The following NLRP14 variants were observed in gnomAD, a reference collection of about 807,000 sequenced individuals.
The protein encoded by NLRP14 is NLR family pyrin domain containing 14, also known as NACHT, LRR and PYD domains-containing protein 14.
NLRP14 carries 105 observed loss-of-function variants against 94.7 expected under a neutral mutation model. That is an observed-to-expected ratio of 1.11 (90% CI 0.95 to 1.30). NLRP14 has a LOEUF of 1.30. NLRP14 is among the 50% of genes most tolerant of loss of function. NLRP14 has a pLI of 0.00. For synonymous variants in NLRP14, 508 were observed against 459.9 expected (o/e 1.10, Z -1.34); for missense variants, 1,362 against 1,254.1 (o/e 1.09, Z -1.30).
At chr11:7,051,313 C>T (rs1293187897) in intron 6 of NLRP14, among the ~76,000 whole-genome samples, 1 of 152,136 alleles carries the variant, frequency 6.6e-6, no homozygotes, top group Non-Finnish European at 1.5e-5. Context: ...GGAGAAGGTC[C>T]AGTTTTCTGT....
the NLRP14 span, among the ~76,000 whole-genome samples, chr11:7,088,328 G>A: frequency 1.3e-5 from 2 of 152,188 alleles, no homozygotes; most frequent in African/African-American, 4.8e-5. Context: ...TAACAAAGAT[G>A]AGAAAATCTT....
chr11:7,054,608 T>C (rs1852493095), intron 6 of NLRP14, among the ~76,000 whole-genome samples: 1 of 152,188 alleles, frequency 6.6e-6, no homozygotes, highest in South Asian at 2.1e-4. Context: ...TTTTGAGAAA[T>C]ATCTATTCAG....
the NLRP14 span, chr11:7,090,114 C>G: frequency 6.2e-7 from 1 of 1,612,322 alleles, no homozygotes; most frequent in Non-Finnish European, 8.5e-7. Context: ...CAGTTATGGC[C>G]GGAGCGACCG....
intron 5 of NLRP14, among the ~76,000 whole-genome samples, chr11:7,048,554 C>T (rs761628449): frequency 6.6e-6 from 1 of 152,110 alleles, no homozygotes; most frequent in Non-Finnish European, 1.5e-5. Flanking sequence ...ATATTTTCCT[C>T]CTGATCTCAG....
chr11:7,089,930 C>A, the NLRP14 span: 1 of 1,612,916 alleles, frequency 6.2e-7, no homozygotes, highest in Admixed American at 1.7e-5. Context: ...ACCGTGACTA[C>A]GGGGATCATC....
Position 7,070,449 on chromosome 11 carries a change from G to A in NLRP14, c.3139G>A (p.Val1047Ile), listed in dbSNP as rs1477781255. The A allele has an allele frequency of 6.2e-7, 1 of 1,610,114 alleles. No homozygotes were observed. Among genetic ancestry groups the A allele is most frequent in the African/African-American group, 1.3e-5 (1 of 74,818 alleles). Residue 1047 changes from valine to isoleucine, a missense_variant, in exon 11 of 12, where the codon GTT becomes ATT. Val to Ile is a conservative substitution (Grantham distance 29). Transcript: ENST00000299481. ...GAAGTCTCCTAAGTGTAAACTACAA[G>A]TTCTAGGGTAAGTCTCCATTGGCTT... ...VLKSPKCKLQ[V>I]LGLCKEAFDE...
In NLRP14 at chr11:7,070,407, A is replaced by G. The variant is rs1414103848; in HGVS notation, c.3097A>G (p.Lys1033Glu). The change falls in exon 11 of 12, where the codon AAG becomes GAG. Residue 1033 changes from lysine to glutamate, a missense_variant. Physicochemically the swap from Lys to Glu is moderately conservative, Grantham distance 56 (BLOSUM62 1). Coordinates refer to ENST00000299481, the MANE Select transcript of NLRP14 (RefSeq NM_176822.4). ...TACCTTAGGATATGAAGGAATTGTG[A>G]AGTTATATAAAGTCTTGAAGTCTCC... Reference protein sequence around the residue: ...QNTLGYEGIVKLYKVLKSPKC... With the variant: ...QNTLGYEGIVELYKVLKSPKC... 1 of 1,611,008 alleles carries G rather than the reference A, an allele frequency of 6.2e-7. No homozygotes were observed. Among genetic ancestry groups the G allele is most frequent in the South Asian group, 1.1e-5 (1 of 90,992 alleles).
At position 7,043,532 on chromosome 11, in the gene NLRP14, C is replaced by A. The variant is rs770461548; in HGVS notation, c.1506C>A (p.Asn502Lys). 4 of 1,614,116 alleles carry A rather than the reference C, an allele frequency of 2.5e-6. No homozygotes were observed. The highest frequency in any genetic ancestry group is 3.4e-6 in the Non-Finnish European group (4 of 1,179,998). The part of the protein sequence containing the change: ...YMLKGSWEAG[N>K]PSCQPFEDLK... ...TGAAAGGCAGTTGGGAAGCTGGGAA[C>A]CCTTCCTGCCAGCCTTTTGAAGATT... is the stretch of plus-strand genomic sequence containing the variant. Residue 502 changes from asparagine (N) to lysine (K), a missense_variant, in exon 4 of 12, where the codon AAC becomes AAA. Asn to Lys is a moderately conservative substitution (Grantham distance 94). Coordinates refer to ENST00000299481, the MANE Select transcript of NLRP14 (RefSeq NM_176822.4).
intron 3 of NLRP14, among the ~76,000 whole-genome samples, chr11:7,041,866 C>A (rs1469209195): frequency 6.6e-6 from 1 of 152,094 alleles, no homozygotes; most frequent in African/African-American, 2.4e-5. Flanking sequence ...CATTCTATTT[C>A]ACTCAGGATG....
chr11:7,063,711 C>G (rs1167918117), intron 10 of NLRP14, among the ~76,000 whole-genome samples: 1 of 152,042 alleles, frequency 6.6e-6, no homozygotes, highest in Non-Finnish European at 1.5e-5. Flanking sequence ...CAAATCTGTT[C>G]AGTTAATCTC....
intron 5 of NLRP14, among the ~76,000 whole-genome samples, chr11:7,047,289 A>G (rs1235872426): frequency 4.1e-5 from 6 of 147,984 alleles, no homozygotes; most frequent in African/African-American, 1.3e-4. Flanking sequence ...ATTTTCATTT[A>G]TCTCAGAAAG....
the NLRP14 span, among the ~76,000 whole-genome samples, chr11:7,083,166 C>G: frequency 6.6e-6 from 1 of 152,318 alleles, no homozygotes; most frequent in Non-Finnish European, 1.5e-5. Context: ...ACCAGAAAAC[C>G]AGGAATCTAT....
rs746847774 is a variant in NLRP14, at chr11:7,042,662, T to C, written c.636T>C (p.Tyr212=). 3 of 1,614,142 alleles carry C rather than the reference T, an allele frequency of 1.9e-6. No homozygotes were observed. The highest frequency in any genetic ancestry group is 1.7e-5 in the Admixed American group (1 of 60,012). The change falls in exon 4 of 12, where the codon TAT becomes TAC. Residue 212 remains tyrosine (Y), a synonymous_variant. Coordinates refer to ENST00000299481, the MANE Select transcript of NLRP14 (RefSeq NM_176822.4). The part of the protein sequence containing the change: ...EGSLYQQRFK[Y]VFYLNGREIN... ...GTCTCTACCAGCAGAGGTTTAAGTATGTTTTTTATCTCAATGGGAGAGAAA... is the reference window on the plus strand; with the variant it reads ...GTCTCTACCAGCAGAGGTTTAAGTACGTTTTTTATCTCAATGGGAGAGAAA...
chr11:7,058,001 T>C (rs1852543862), intron 7 of NLRP14, among the ~76,000 whole-genome samples, 154 bp downstream of exon 7: 1 of 151,958 alleles, frequency 6.6e-6, no homozygotes, highest in South Asian at 2.1e-4. Context: ...TCTCTTCCTC[T>C]ACTTCCCTCT....
intron 10 of NLRP14, among the ~76,000 whole-genome samples, chr11:7,068,023 T>C (rs1438518287): frequency 6.6e-6 from 1 of 152,114 alleles, no homozygotes; most frequent in Non-Finnish European, 1.5e-5. Context: ...TAAGTATATA[T>C]TGTTGATTTT....
chr11:7,080,012 C>T, the NLRP14 span, among the ~76,000 whole-genome samples: 10 of 152,048 alleles, frequency 6.6e-5, 1 homozygote, highest in Non-Finnish European at 5.9e-5. Context: ...TAAGGACTGG[C>T]GGGAAGGTTG....
intron 1 of NLRP14, among the ~76,000 whole-genome samples, chr11:7,022,460 T>C (rs1294940137): frequency 6.6e-6 from 1 of 152,218 alleles, no homozygotes; most frequent in Non-Finnish European, 1.5e-5. Flanking sequence ...TCCATAATTT[T>C]GGTTAATGTC....
At chr11:7,090,506 C>A in the NLRP14 span, 1 of 662,722 alleles carries the variant, frequency 1.5e-6, no homozygotes, top group East Asian at 2.8e-5. Context: ...GTTAACGTTT[C>A]TTTCAACAAG....
At chr11:7,052,341 A>G (rs899113448) in intron 6 of NLRP14, among the ~76,000 whole-genome samples, 1 of 152,194 alleles carries the variant, frequency 6.6e-6, no homozygotes, top group Non-Finnish European at 1.5e-5. Context: ...CAACTAGAAT[A>G]GTTAGATAAG....
Sources: gnomAD v4.1 joint callset for allele counts (sites outside exome capture counted in the v4.1 genomes callset) on GRCh38, gnomAD v4.1.1 for gene constraint, MANE v1.5 for transcripts, NCBI Gene and HGNC (gene_info 2026-07-23, HGNC 2026-07-21) for gene names.